FOXRED2: variants seen among roughly 807,000 people sequenced by gnomAD.
The protein encoded by FOXRED2 is FAD-dependent oxidoreductase domain-containing protein 2.
FOXRED2 carries 32 observed loss-of-function variants against 52.5 expected under a neutral mutation model. The ratio of observed to expected loss-of-function variants is 0.61; its 90% CI spans 0.46 to 0.82. FOXRED2 has a LOEUF of 0.82. FOXRED2 is among the 40% of genes least tolerant of loss of function. The probability of loss-of-function intolerance (pLI) is 0.00; values close to 1 mark genes in which losing one functional copy is unlikely to be tolerated. For synonymous variants in FOXRED2, 405 were observed against 398.1 expected (o/e 1.02, Z -0.21); for missense variants, 848 against 937.5 (o/e 0.90, Z 1.25).
rs1422977152 is a variant in FOXRED2, at chr22:36,490,211, C to T, written c.1852G>A (p.Gly618Arg). ...ACGAGTCCCTGCATCCTCAGGTACC[C>T]CTGCTGGCAAAAGGGTGGCAACTTC... ...RQKLPPFCQQ[G>R]YLRMQGLVST... The change falls in exon 9 of 9, where the codon GGG becomes AGG. Residue 618 changes from glycine (G) to arginine (R), a missense_variant. Transcript: ENST00000397224. 3.7e-6 allele frequency: 6 copies of T among 1,613,732 alleles called. No homozygotes were observed. The highest frequency in any genetic ancestry group is 3.3e-5 in the South Asian group (3 of 91,048).
intron 6 of FOXRED2, 144 bp from the exon 7 acceptor site, chr22:36,496,352 C>T (rs935374062): frequency 9.8e-7 from 1 of 1,025,064 alleles, no homozygotes; most frequent in East Asian, 2.6e-5. Context: ...CTTAACATTA[C>T]TTTTTCAGCT....
intron 5 of FOXRED2, 152 bp from the exon 6 acceptor site, chr22:36,498,308 G>A: frequency 1.3e-6 from 1 of 775,160 alleles, no homozygotes; most frequent in East Asian, 2.7e-5. Flanking sequence ...AACACATGAG[G>A]GGAGGAGATG....
intron 2 of FOXRED2, among the ~76,000 whole-genome samples, chr22:36,505,430 C>T (rs914843733): frequency 6.6e-6 from 1 of 152,188 alleles, no homozygotes; most frequent in Non-Finnish European, 1.5e-5. Flanking sequence ...GACTTGGATC[C>T]TGCCGGCTTG....
At position 36,490,077 on chromosome 22, in the gene FOXRED2, C is replaced by T. The variant is rs2145837458; in HGVS notation, c.1986G>A (p.Glu662=). ...CTGGAGCCAGGGGGGAACCTAGTGG[C>T]TCTTGGTCGCCAAGCTGCTGGCTGC... The part of the protein sequence containing the change: ...EDSSQQLGDQ[E]PLGSPLAPGP... The change falls in exon 9 of 9, where the codon GAG becomes GAA. Residue 662 remains glutamate, a synonymous_variant. Transcript: ENST00000397224. 6.2e-7 allele frequency: 1 copy of T among 1,613,572 alleles called. No individual in the cohort carries two copies. Among genetic ancestry groups the T allele is most frequent in the African/African-American group, 1.3e-5 (1 of 75,056 alleles).
intron 7 of FOXRED2, 110 bp from the exon 8 acceptor site, chr22:36,493,913 GTGC>G (rs1219186130): frequency 1.1e-6 from 1 of 943,486 alleles, no homozygotes; most frequent in African/African-American, 1.6e-5. Context: ...TCGTTCACTC[GTGC>G]TCGGCTTTCC....
At chr22:36,505,016 A>ATTTCCCT (rs1972899685) in intron 2 of FOXRED2, among the ~76,000 whole-genome samples, 1 of 152,162 alleles carries the variant, frequency 6.6e-6, no homozygotes, top group Non-Finnish European at 1.5e-5. Flanking sequence ...ACTGGGGGTT[A>ATTTCCCT]AATTTGCCCT....
rs1934119662 is a variant in FOXRED2, at chr22:36,503,987, G to T, written c.1049+111C>A. 3 of 1,160,818 alleles carry T rather than the reference G, an allele frequency of 2.6e-6. No homozygotes were observed. The South Asian group carries it at 4.2e-5, about 16-fold the overall frequency. The allele number at this position is 1,160,818 out of a possible 1,614,324, so 71.9% of individuals were successfully genotyped here. On this transcript the variant is annotated intron_variant, in intron 4 of 8. Coordinates refer to ENST00000397224, the MANE Select transcript of FOXRED2 (RefSeq NM_001102371.2). ...GGCAGCACTCACATCCATTCTTTGG[G>T]TGCTGTCCTGAGAGCTCTGTCGCCA...
At chr22:36,498,474 G>T (rs890771278) in intron 5 of FOXRED2, 64 of 259,636 alleles carry the variant, frequency 2.5e-4, no homozygotes, top group African/African-American at 1.3e-3. Flanking sequence ...AGTGAGCACA[G>T]CTGGAGTTGG....
At chr22:36,502,994 T>A (rs1323570754) in intron 4 of FOXRED2, among the ~76,000 whole-genome samples, 1 of 88,442 alleles carries the variant, frequency 1.1e-5, no homozygotes, top group African/African-American at 3.3e-5. Context: ...ACCAGCCATC[T>A]CTTTTTTTTT....
Position 36,501,327 on chromosome 22 carries a change from C to T in FOXRED2, c.1130G>A (p.Arg377Gln), listed in dbSNP as rs139058204. ...GGCAGTACCCAGGATAAACAGACCC[C>T]GGCTTCCTTTGGATTCGTAGCTAGC... ...IRASYESKGS[R>Q]GLFILGTASH... Residue 377 changes from arginine to glutamine, a missense_variant, in exon 5 of 9, where the codon CGG (arginine) becomes CAG (glutamine). Physicochemically the swap from Arg to Gln is conservative, Grantham distance 43. Transcript: ENST00000397224. 24 of 1,614,006 alleles carry T rather than the reference C, an allele frequency of 1.5e-5. No individual in the cohort carries two copies. The highest frequency in any genetic ancestry group is 6.7e-5 in the East Asian group (3 of 44,898).
intron 4 of FOXRED2, among the ~76,000 whole-genome samples, chr22:36,503,316 C>CTTTT (rs201708922): frequency 7.2e-6 from 1 of 138,090 alleles, no homozygotes; most frequent in African/African-American, 2.6e-5. Context: ...ATTCTTCTTT[C>CTTTT]TTTTTTTTTT....
In FOXRED2 at chr22:36,498,605, C is replaced by T. The variant is rs377749127; in HGVS notation, c.1217-449G>A. Among the ~76,000 whole-genome samples, 77 of 152,314 alleles carry T rather than the reference C, an allele frequency of 5.1e-4. No individual in the cohort carries two copies. In the South Asian group the frequency reaches 0.014, roughly 27 times the overall value. On this transcript the variant is annotated intron_variant, in intron 5 of 8. Coordinates refer to ENST00000397224, the MANE Select transcript of FOXRED2 (RefSeq NM_001102371.2). Reference sequence around the variant, plus strand: ...GGAGCCTTCCCCAGAAACCTCCCCCCCTTCACAGCTCTGTTTCCATCAGAG... The same window carrying T: ...GGAGCCTTCCCCAGAAACCTCCCCCTCTTCACAGCTCTGTTTCCATCAGAG...
rs200796449 is a variant in FOXRED2, at chr22:36,503,309, CTTCT to C, written c.1049+785_1049+788del. Among the ~76,000 whole-genome samples, 231 of 149,962 alleles carry C rather than the reference CTTCT, an allele frequency of 1.5e-3. 3 individuals carry two copies. The East Asian group carries it at 0.036, about 23-fold the overall frequency. The stretch of plus-strand genomic sequence containing the variant: ...ACTGCACCTGGCCTCTGCACACATT[CTTCT>C]TTCTTTTTTTTTTTTTTTGAGATAA... On this transcript the variant is annotated intron_variant, in intron 4 of 8. Transcript: ENST00000397224.
rs553128549 is a variant in FOXRED2 at position 36,497,484 on chromosome 22, C to T, written c.1382+507G>A. Among the ~76,000 whole-genome samples the T allele has an allele frequency of 4.6e-5, 7 of 152,308 alleles. No homozygotes were observed. In the South Asian group the frequency reaches 1.5e-3, roughly 32 times the overall value. On this transcript the variant is annotated intron_variant, in intron 6 of 8. Coordinates refer to ENST00000397224, the MANE Select transcript of FOXRED2 (RefSeq NM_001102371.2). ...GGCTGTTCCCTCTGACTGAAGGTTG[C>T]TCCCTTGCTTCTCCCTGCCACCTGT...
In FOXRED2 at chr22:36,498,081, T is replaced by C; in HGVS notation, c.1292A>G (p.Gln431Arg). 6.2e-7 allele frequency: 1 copy of C among 1,613,976 alleles called. No homozygotes were observed. Among genetic ancestry groups the C allele is most frequent in the Non-Finnish European group, 8.5e-7 (1 of 1,180,032 alleles). Reference sequence around the variant, plus strand: ...GCGCCGCACGATGGAGCTGGTCAGCTGTGTGATGGGGAGCTCAGTGGCGGG... The same window carrying C: ...GCGCCGCACGATGGAGCTGGTCAGCCGTGTGATGGGGAGCTCAGTGGCGGG... ...TWPATELPIT[Q>R]LTSSIVRRVN... The change falls in exon 6 of 9, where the codon CAG becomes CGG. Residue 431 changes from glutamine (Q) to arginine (R), a missense_variant. Gln to Arg is a conservative substitution (Grantham distance 43). Coordinates refer to ENST00000397224, the MANE Select transcript of FOXRED2 (RefSeq NM_001102371.2).
Position 36,496,099 on chromosome 22 carries a change from C to T in FOXRED2, c.1492G>A (p.Glu498Lys). The T allele has an allele frequency of 1.2e-6, 2 of 1,614,248 alleles. No homozygotes were observed. The highest frequency in any genetic ancestry group is 1.7e-6 in the Non-Finnish European group (2 of 1,180,052). ...GGGCCAGAGAAATTTCTGCCATATTCCATGTTGATGACGAAGAGCCCGTGC... is the reference window on the plus strand; with the variant it reads ...GGGCCAGAGAAATTTCTGCCATATTTCATGTTGATGACGAAGAGCCCGTGC... ...AKHGLFVINM[E>K]YGRNFSGPDK... Residue 498 changes from glutamate to lysine, a missense_variant, in exon 7 of 9, where the codon GAA becomes AAA. Physicochemically the swap from Glu to Lys is moderately conservative, Grantham distance 56. Transcript: ENST00000397224.
chr22:36,504,357 T>C lies in FOXRED2; in HGVS notation c.790A>G (p.Asn264Asp), dbSNP rs898020623. Residue 264 changes from asparagine (N) to aspartate (D), a missense_variant, in exon 4 of 9, where the codon AAT (asparagine) becomes GAT (aspartate). Coordinates refer to ENST00000397224, the MANE Select transcript of FOXRED2 (RefSeq NM_001102371.2). ...AGCTGGTAGGTATCCAGCAGGCCAT[T>C]GTTGATGGCTCTGAGCCCACAGAGA... is the stretch of plus-strand genomic sequence containing the variant. Reference protein sequence around the residue: ...HYVGDLRAINNGLLDTYQLKS... With the variant: ...HYVGDLRAINDGLLDTYQLKS... 1.1e-5 allele frequency: 18 copies of C among 1,613,748 alleles called. No homozygotes were observed. The Admixed American group carries it at 1.8e-4, about 16-fold the overall frequency.
At position 36,489,913 on chromosome 22, in the gene FOXRED2, A is replaced by G. The variant is rs1341304812; in HGVS notation, c.*95T>C. On this transcript the variant is annotated 3_prime_UTR_variant, in exon 9 of 9. Transcript: ENST00000397224. The stretch of plus-strand genomic sequence containing the variant: ...TCTGAGTGGTCTTTGGCAATCACGC[A>G]TTGGCGGGAGTGTGAGGTTGCGGGG... 3.1e-6 allele frequency: 4 copies of G among 1,297,448 alleles called. No homozygotes were observed. Among genetic ancestry groups the G allele is most frequent in the African/African-American group, 3.0e-5 (2 of 67,044 alleles). 80.4% of individuals were successfully genotyped at this position (1,297,448 alleles called of 1,614,324 possible). A position where few individuals can be genotyped will look rare whatever the true frequency, so the allele number is the denominator to read the frequency against.
chr22:36,493,865 C>A, intron 7 of FOXRED2, 62 bp from the exon 8 acceptor site: 2 of 1,452,376 alleles, frequency 1.4e-6, no homozygotes, highest in South Asian at 1.2e-5. Flanking sequence ...CTCCTCGGGC[C>A]GACACAGCAC....
Sources: allele counts gnomAD v4.1 joint callset (sites outside exome capture counted in the v4.1 genomes callset), GRCh38; gene constraint gnomAD v4.1.1; transcripts MANE v1.5; gene names NCBI Gene and HGNC (gene_info 2026-07-23, HGNC 2026-07-21).